CDC14B: variants seen among roughly 807,000 people sequenced by gnomAD.
The protein encoded by CDC14B is cell division cycle 14B.
Under a neutral mutation model 64.2 loss-of-function variants are expected in CDC14B, and 22 were observed. The observed-to-expected ratio is 0.34, with a 90% confidence interval of 0.24 to 0.49. The LOEUF (loss-of-function observed/expected upper bound fraction) is 0.49, where lower values mean the gene tolerates loss of function less well. Among genes scored for constraint, CDC14B ranks in the 20% least tolerant of loss-of-function variants. The pLI is 0.99. For synonymous variants in CDC14B, 191 were observed against 215.8 expected (o/e 0.89, Z 1.01); for missense variants, 498 against 629.9 (o/e 0.79, Z 2.24).
chr9:96,513,099 A>G (rs1329577515), intron 12 of CDC14B, among the ~76,000 whole-genome samples: 2 of 152,202 alleles, frequency 1.3e-5, no homozygotes, highest in African/African-American at 4.8e-5. Context: ...CATCTTTTTA[A>G]AAGTATTTAT....
chr9:96,506,185 C>CT (rs1834106822), intron 13 of CDC14B, among the ~76,000 whole-genome samples: 1 of 152,084 alleles, frequency 6.6e-6, no homozygotes, highest in African/African-American at 2.4e-5. Flanking sequence ...AAAGGGTGCT[C>CT]TATTTTTTTT....
At chr9:96,531,362 G>A (rs115186059) in intron 9 of CDC14B, among the ~76,000 whole-genome samples, 1,740 of 151,986 alleles carry the variant, frequency 0.011, 32 homozygotes, top group African/African-American at 0.039. Context: ...ATTTAGTTCT[G>A]GTGTTTTGTT....
chr9:96,507,519 G>A (rs908782078), intron 13 of CDC14B, among the ~76,000 whole-genome samples: 1 of 151,382 alleles, frequency 6.6e-6, no homozygotes, highest in African/African-American at 2.4e-5. Context: ...AAGTTCAAGT[G>A]ATTCTCCAGC....
At chr9:96,578,897 C>T (rs1844967921) in intron 1 of CDC14B, among the ~76,000 whole-genome samples, 1 of 152,236 alleles carries the variant, frequency 6.6e-6, no homozygotes, top group African/African-American at 2.4e-5. Flanking sequence ...CGGCTCACTG[C>T]AACCTCTGCC....
chr9:96,562,028 A>G (rs1843277286), intron 4 of CDC14B, among the ~76,000 whole-genome samples: 1 of 152,206 alleles, frequency 6.6e-6, no homozygotes, highest in African/African-American at 2.4e-5. Context: ...CAAAAAATAA[A>G]TCTTTTCCAT....
downstream of CDC14B, chr9:96,496,227 C>T (rs762285809): frequency 1.3e-5 from 6 of 468,810 alleles, no homozygotes; most frequent in Non-Finnish European, 2.1e-5. Context: ...GCTTCAATTG[C>T]ACCTGGAGAG....
chr9:96,568,736 T>C (rs1457849646), intron 1 of CDC14B, among the ~76,000 whole-genome samples: 4 of 151,996 alleles, frequency 2.6e-5, no homozygotes, highest in Non-Finnish European at 5.9e-5. Context: ...GCCAACATGG[T>C]GAAACCCTGA....
chr9:96,556,061 T>C (rs912406948), intron 4 of CDC14B, among the ~76,000 whole-genome samples: 6 of 152,336 alleles, frequency 3.9e-5, no homozygotes, highest in African/African-American at 1.4e-4. Context: ...CAATTAGACA[T>C]GTGCTTCCTA....
At chr9:96,616,225 C>G (rs556558990) in intron 1 of CDC14B, among the ~76,000 whole-genome samples, 1 of 152,108 alleles carries the variant, frequency 6.6e-6, no homozygotes, top group African/African-American at 2.4e-5. Flanking sequence ...ACTCAGGAAG[C>G]TGAGGCAGGA....
intron 7 of CDC14B, among the ~76,000 whole-genome samples, chr9:96,538,373 G>A (rs770120945): frequency 1.3e-5 from 2 of 152,036 alleles, no homozygotes; most frequent in African/African-American, 2.4e-5. Flanking sequence ...CTCTATACAC[G>A]TCTAAAACAA....
chr9:96,518,251 T>A (rs1453564712), intron 12 of CDC14B, among the ~76,000 whole-genome samples: 1 of 152,122 alleles, frequency 6.6e-6, no homozygotes, highest in Admixed American at 6.5e-5. Context: ...GCGCAGTGGC[T>A]CACGCCTGTA....
At position 96,619,720 on chromosome 9, in the gene CDC14B, G is replaced by A. The variant is rs1451953611; in HGVS notation, c.-342C>T. 14 of 150,490 alleles carry A rather than the reference G, an allele frequency of 9.3e-5. No individual in the cohort carries two copies. 9.3% of individuals were successfully genotyped at this position (150,490 alleles called of 1,614,324 possible). ...GGCGACGGGGCTGCAGCTGGCGGCC[G>A]GAGCTGCCCGGGGTAACCGTGCGTG... On this transcript the variant is annotated 5_prime_UTR_variant, in exon 1 of 14. Transcript: ENST00000375241.
chr9:96,578,862 A>G (rs1844965474), intron 1 of CDC14B, among the ~76,000 whole-genome samples: 1 of 152,340 alleles, frequency 6.6e-6, no homozygotes, highest in South Asian at 2.1e-4. Context: ...TCTGTTGCCC[A>G]GGCTGGAGTG....
At chr9:96,523,519 A>C in intron 10 of CDC14B, 68 bp downstream of exon 10, 5 of 1,604,288 alleles carry the variant, frequency 3.1e-6, no homozygotes, top group Non-Finnish European at 4.3e-6. Context: ...ACTAAAGGAA[A>C]TTCCACTCCC....
intron 1 of CDC14B, among the ~76,000 whole-genome samples, chr9:96,596,827 C>A (rs1183869306): frequency 1.3e-5 from 2 of 151,320 alleles, no homozygotes; most frequent in Admixed American, 6.6e-5. Flanking sequence ...CCACTACACT[C>A]CAGCCTGGAC....
chr9:96,508,681 A>G (rs1311946237), intron 13 of CDC14B, among the ~76,000 whole-genome samples: 1 of 152,204 alleles, frequency 6.6e-6, no homozygotes, highest in Non-Finnish European at 1.5e-5. Context: ...GTTGTACAAA[A>G]CAGTGTAGAG....
intron 1 of CDC14B, among the ~76,000 whole-genome samples, chr9:96,596,545 G>A (rs1293012358): frequency 2.0e-5 from 3 of 151,934 alleles, no homozygotes; most frequent in Admixed American, 6.6e-5. Context: ...CTCTACAAAT[G>A]AAAAGAGAAG....
In CDC14B at chr9:96,532,172, A is replaced by C. The variant is rs1161634151; in HGVS notation, c.946+1755T>G. On this transcript the variant is annotated intron_variant, in intron 9 of 13. Transcript: ENST00000375241. ...ATAATACTAGCTTTTATAATGGTCCATGTATTTGCCTTTATCAGAAAGGCA... is the reference window on the plus strand; with the variant it reads ...ATAATACTAGCTTTTATAATGGTCCCTGTATTTGCCTTTATCAGAAAGGCA... 3.9e-5 allele frequency among the ~76,000 whole-genome samples: 6 copies of C among 152,340 alleles called. No homozygotes were observed. The East Asian group carries it at 5.8e-4, about 15-fold the overall frequency.
chr9:96,555,242 A>G (rs1842348429), intron 4 of CDC14B, among the ~76,000 whole-genome samples: 4 of 152,202 alleles, frequency 2.6e-5, no homozygotes, highest in Admixed American at 2.6e-4. Context: ...CTAGATCATA[A>G]AAGAGGTAGC....
Sources: gnomAD v4.1 joint callset for allele counts (sites outside exome capture counted in the v4.1 genomes callset) on GRCh38, gnomAD v4.1.1 for gene constraint, MANE v1.5 for transcripts, NCBI Gene and HGNC (gene_info 2026-07-23, HGNC 2026-07-21) for gene names.